L3HYPDH: variants seen among roughly 807,000 people sequenced by gnomAD.
L3HYPDH encodes the protein trans-3-hydroxy-L-proline dehydratase.
In L3HYPDH, 32 loss-of-function variants were observed where a neutral mutation model predicts 26.5. That is an observed-to-expected ratio of 1.21 (90% CI 0.91 to 1.62). The LOEUF (loss-of-function observed/expected upper bound fraction) is 1.62, where lower values mean the gene tolerates loss of function less well. L3HYPDH is among the 40% of genes most tolerant of loss of function. L3HYPDH has a pLI of 0.00. For missense variants in L3HYPDH, 554 were observed against 476.4 expected (o/e 1.16, Z -1.52); for synonymous variants, 215 against 196.6 (o/e 1.09, Z -0.78).
chr14:59,503,712 T>A, the L3HYPDH span: 1 of 614,284 alleles, frequency 1.6e-6, no homozygotes. Flanking sequence ...ACTGAGTGAT[T>A]TCTTAAGTCT....
chr14:59,480,526 T>C (rs1380959724), intron 1 of L3HYPDH, among the ~76,000 whole-genome samples: 1 of 152,238 alleles, frequency 6.6e-6, no homozygotes, highest in Non-Finnish European at 1.5e-5. Flanking sequence ...CATGGAGTGA[T>C]GAGGCTAAGT....
rs896494386 is a variant in L3HYPDH at position 59,474,650 on chromosome 14, C to T, written c.939+1219G>A. 5.1e-6 allele frequency: 3 copies of T among 582,880 alleles called. No individual in the cohort carries two copies. The African/African-American group carries it at 5.7e-5, about 11-fold the overall frequency. The allele number at this position is 582,880 out of a possible 1,614,324, so 36.1% of individuals were successfully genotyped here. ...CTGGATCTGCTACTCACTAACTAAC[C>T]TCTGGTAAATTACCTAACTTCTCCA... On this transcript the variant is annotated intron_variant, in intron 4 of 4. Coordinates refer to ENST00000247194, the MANE Select transcript of L3HYPDH (RefSeq NM_144581.2).
downstream of L3HYPDH, among the ~76,000 whole-genome samples, chr14:59,470,478 T>C (rs540174404): frequency 9.9e-5 from 15 of 152,128 alleles, no homozygotes; most frequent in Non-Finnish European, 2.1e-4. Context: ...CAAAGTGCAT[T>C]GTGAGTTCAT....
the L3HYPDH span, chr14:59,501,204 A>G: frequency 8.2e-6 from 13 of 1,594,904 alleles, no homozygotes; most frequent in Middle Eastern, 5.0e-4. Context: ...ACGCCTTCCC[A>G]TACATTATAT....
intron 3 of L3HYPDH, 22 bp from the exon 4 acceptor site, chr14:59,476,028 CAG>C (rs757047105): frequency 1.9e-6 from 3 of 1,613,638 alleles, no homozygotes; most frequent in African/African-American, 2.7e-5. Context: ...TAAATGAAGA[CAG>C]AATGTTCATA....
Position 59,484,180 on chromosome 14 carries a change from G to A in L3HYPDH, c.137C>T (p.Thr46Ile). ...CATGTAGCGCCGCTTGGCCAGCAGGGTGGGCCCAGACACCTCCGGACACCC... is the reference window on the plus strand; with the variant it reads ...CATGTAGCGCCGCTTGGCCAGCAGGATGGGCCCAGACACCTCCGGACACCC... ...LAGCPEVSGP[T>I]LLAKRRYMRQ... is the part of the protein sequence containing the mutation. The change falls in exon 1 of 5, where the codon ACC becomes ATC. Residue 46 changes from threonine (T) to isoleucine (I), a missense_variant. Physicochemically the swap from Thr to Ile is moderately conservative, Grantham distance 89. Transcript: ENST00000247194. 2 of 1,599,666 alleles carry A rather than the reference G, an allele frequency of 1.3e-6. No homozygotes were observed. The highest frequency in any genetic ancestry group is 1.7e-6 in the Non-Finnish European group (2 of 1,179,612).
upstream of L3HYPDH, chr14:59,484,524 G>A: frequency 6.4e-7 from 1 of 1,551,050 alleles, no homozygotes; most frequent in East Asian, 2.4e-5. Context: ...GCTGTGGCCC[G>A]GATGTTCGGT....
At chr14:59,503,090 A>G in the L3HYPDH span, among the ~76,000 whole-genome samples, 1 of 149,580 alleles carries the variant, frequency 6.7e-6, no homozygotes, top group African/African-American at 2.5e-5. Flanking sequence ...TTAGCTATAC[A>G]CTGTTAAATT....
At chr14:59,478,409 A>T (rs1297198983) in intron 2 of L3HYPDH, among the ~76,000 whole-genome samples, 9 of 152,052 alleles carry the variant, frequency 5.9e-5, no homozygotes, top group African/African-American at 2.2e-4. Flanking sequence ...ATATAAACAC[A>T]CACACACACT....
chr14:59,500,975 A>G, the L3HYPDH span: 1 of 480,440 alleles, frequency 2.1e-6, no homozygotes, highest in Non-Finnish European at 3.7e-6. Flanking sequence ...AGAGCTGGGT[A>G]ATCGAGACAG....
the L3HYPDH span, among the ~76,000 whole-genome samples, chr14:59,490,414 C>T: frequency 6.6e-6 from 1 of 152,148 alleles, no homozygotes; most frequent in African/African-American, 2.4e-5. Context: ...AAAAAAATCA[C>T]TCCGTATTTG....
chr14:59,469,656 A>G (rs1889267096), downstream of L3HYPDH, among the ~76,000 whole-genome samples: 1 of 151,898 alleles, frequency 6.6e-6, no homozygotes. Flanking sequence ...CCTCAGGAGC[A>G]TCAACAAAGA....
intron 2 of L3HYPDH, among the ~76,000 whole-genome samples, chr14:59,476,617 G>A (rs1343434701): frequency 6.6e-6 from 1 of 152,194 alleles, no homozygotes; most frequent in African/African-American, 2.4e-5. Context: ...AGGAGCTTAA[G>A]GAGGATAATG....
At chr14:59,503,649 C>T in the L3HYPDH span, among the ~76,000 whole-genome samples, 1 of 152,264 alleles carries the variant, frequency 6.6e-6, no homozygotes, top group African/African-American at 2.4e-5. Context: ...CTACTGAGTG[C>T]TTATATGACC....
the L3HYPDH span, chr14:59,504,286 T>C: frequency 1.9e-6 from 1 of 521,802 alleles, no homozygotes; most frequent in Non-Finnish European, 3.4e-6. Flanking sequence ...GGTAATATTA[T>C]CTGCTACACT....
the L3HYPDH span, among the ~76,000 whole-genome samples, chr14:59,502,456 C>G: frequency 6.6e-6 from 1 of 152,156 alleles, no homozygotes; most frequent in African/African-American, 2.4e-5. Context: ...GTGGTTACTG[C>G]TGATGCCACT....
At chr14:59,483,776 T>A in intron 1 of L3HYPDH, 33 bp downstream of exon 1, 2 of 1,584,800 alleles carry the variant, frequency 1.3e-6, no homozygotes, top group Non-Finnish European at 1.7e-6. Context: ...CGGTTGCAGC[T>A]CTGCCCTGGG....
upstream of L3HYPDH, chr14:59,484,778 G>C (rs570026945): frequency 6.0e-5 from 54 of 906,208 alleles, no homozygotes; most frequent in East Asian, 7.7e-4. Context: ...TGTCCGCAAC[G>C]GGCTACTAGG....
the L3HYPDH span, chr14:59,498,703 CAA>C: frequency 1.6e-6 from 2 of 1,245,690 alleles, no homozygotes; most frequent in Non-Finnish European, 2.2e-6. Flanking sequence ...TTTGATGTTA[CAA>C]ATTCTTTATT....
Sources: gnomAD v4.1 joint callset for allele counts (sites outside exome capture counted in the v4.1 genomes callset) on GRCh38, gnomAD v4.1.1 for gene constraint, MANE v1.5 for transcripts, NCBI Gene and HGNC (gene_info 2026-07-23, HGNC 2026-07-21) for gene names.